Variants in SCT observed in about 807,000 individuals in gnomAD.
SCT encodes the protein prepro-secretin.
Under a neutral mutation model 10.9 loss-of-function variants are expected in SCT, and 17 were observed. The observed-to-expected ratio is 1.55, with a 90% CI of 1.06 to 2.33. The LOEUF (loss-of-function observed/expected upper bound fraction) is 2.33. Among genes scored for constraint, SCT ranks in the 30% most tolerant of loss-of-function variants. The probability of loss-of-function intolerance (pLI) is 0.00; values close to 1 mark genes in which losing one functional copy is unlikely to be tolerated. For missense variants in SCT, 230 were observed against 165.9 expected, an observed-to-expected ratio of 1.39 and a Z score of -2.12; for synonymous variants, 96 against 73.9, an observed-to-expected ratio of 1.30 and a Z score of -1.54.
At position 626,548 on chromosome 11, in the gene SCT, G is replaced by A; in HGVS notation, c.267-18C>T. Reference sequence around the variant, plus strand: ...GGGGCATCCTGCAGAGACAGCACGTGAGGGTCTGAGGGCTGGGGCTGGAGA... The same window carrying A: ...GGGGCATCCTGCAGAGACAGCACGTAAGGGTCTGAGGGCTGGGGCTGGAGA... On this transcript the variant is annotated intron_variant, in intron 3 of 3. Coordinates refer to ENST00000176195, the MANE Select transcript of SCT (RefSeq NM_021920.4). The A allele has an allele frequency of 6.5e-7, 1 of 1,542,274 alleles. No individual in the cohort carries two copies. The highest frequency in any genetic ancestry group is 1.2e-5 in the South Asian group (1 of 83,850).
In SCT at chr11:627,064, G is replaced by GCGGCTCA; in HGVS notation, c.71+2_71+8dup. 8.3e-7 allele frequency: 1 copy of GCGGCTCA among 1,206,642 alleles called. No individual in the cohort carries two copies. Among genetic ancestry groups the GCGGCTCA allele is most frequent in the Non-Finnish European group, 1.0e-6 (1 of 963,556 alleles). 74.7% of individuals were successfully genotyped at this position (1,206,642 alleles called of 1,614,324 possible). Reference sequence around the variant, plus strand: ...CCCGGGGGGCGGGCGGGCCTGGCGGGCGGCTCACCTGGGGGGCGCGGGGCG... The same window carrying GCGGCTCA: ...CCCGGGGGGCGGGCGGGCCTGGCGGGCGGCTCACGGCTCACCTGGGGGGCGCGGGGCG... On this transcript the variant is annotated intron_variant, in intron 1 of 3. Transcript: ENST00000176195.
At position 627,138 on chromosome 11, in the gene SCT, G is replaced by A; in HGVS notation, c.6C>T (p.Ala2=). 3.7e-6 allele frequency: 4 copies of A among 1,091,604 alleles called. No homozygotes were observed. The highest frequency in any genetic ancestry group is 4.5e-6 in the Non-Finnish European group (4 of 895,112). The allele number at this position is 1,091,604 out of a possible 1,614,324, so 67.6% of individuals were successfully genotyped here. A position where few individuals can be genotyped will look rare whatever the true frequency, so the allele number is the denominator to read the frequency against. ...GCAGCAGCAGCAGGAGGGGCCGGGG[G>A]GCCATGGCGGGGTCGGGGCGCAGGA... M[A]PRPLLLLLLL... The change falls in exon 1 of 4, where the codon GCC becomes GCT. Residue 2 remains alanine, a synonymous_variant. Coordinates refer to ENST00000176195, the MANE Select transcript of SCT (RefSeq NM_021920.4).
rs1589951315 is a variant in SCT at position 626,972 on chromosome 11, T to A, written c.89A>T (p.Asp30Val). 6.6e-7 allele frequency: 1 copy of A among 1,518,534 alleles called. No individual in the cohort carries two copies. The highest frequency in any genetic ancestry group is 2.5e-5 in the East Asian group (1 of 39,852). The allele number at this position is 1,518,534 out of a possible 1,614,324, so 94.1% of individuals were successfully genotyped here. A position where few individuals can be genotyped will look rare whatever the true frequency, so the allele number is the denominator to read the frequency against. Residue 30 changes from aspartate to valine, a missense_variant, in exon 2 of 4, where the codon GAC becomes GTC. Transcript: ENST00000176195. ...GCTGAGCTCGCTGGTGAACGTCCCG[T>A]CTGAGTGTCGCCGGGCCCTGCGGGC... ...PAPPRARRHS[D>V]GTFTSELSRL...
rs531061147 is a variant in SCT at position 627,108 on chromosome 11, G to GAGC, written c.33_35dup (p.Leu13dup). ...CGGGGCGCGCGGCGGAGCCCCCGAG[G>GAGC]AGCAGCAGCAGCAGCAGGAGGGGCC... On this transcript the variant is annotated inframe_insertion, in exon 1 of 4. Coordinates refer to ENST00000176195, the MANE Select transcript of SCT (RefSeq NM_021920.4). 3,484 of 1,094,534 alleles carry GAGC rather than the reference G, an allele frequency of 3.2e-3. 9 individuals are homozygous for GAGC. The highest frequency in any genetic ancestry group is 4.2e-3 in the East Asian group (84 of 20,006). 67.8% of individuals were successfully genotyped at this position (1,094,534 alleles called of 1,614,324 possible).
chr11:626,651 C>A (rs1476773813), intron 3 of SCT, 46 bp downstream of exon 3: 2 of 1,497,454 alleles, frequency 1.3e-6, no homozygotes, highest in Non-Finnish European at 1.8e-6. Flanking sequence ...AAGGAGGGGT[C>A]TGGGGTGGGG....
intron 2 of SCT, 21 bp from the exon 3 acceptor site, chr11:626,810 G>C (rs756005037): frequency 1.3e-4 from 202 of 1,548,144 alleles, no homozygotes; most frequent in Non-Finnish European, 1.7e-4. Context: ...CCCCAAAACA[G>C]AGTTAGTCCT....
At position 626,511 on chromosome 11, in the gene SCT, A is replaced by G; in HGVS notation, c.286T>C (p.Trp96Arg). ...GGCCCAGGGGGCAGCCAGGGAGACC[A>G]GGTCCCGTCCAGGGGCATCCTGCAG... ...LQAWMPLDGT[W>R]SPWLPPGPMV... The change falls in exon 4 of 4, where the codon TGG (tryptophan) becomes CGG (arginine). Residue 96 changes from tryptophan to arginine, a missense_variant. Trp to Arg is a moderately radical substitution (Grantham distance 101, BLOSUM62 -3). Coordinates refer to ENST00000176195, the MANE Select transcript of SCT (RefSeq NM_021920.4). The G allele has an allele frequency of 6.4e-7, 1 of 1,560,726 alleles. No homozygotes were observed. The highest frequency in any genetic ancestry group is 2.4e-5 in the East Asian group (1 of 41,816).
Position 626,386 on chromosome 11 carries a change from G to A in SCT, c.*45C>T. The A allele has an allele frequency of 7.0e-7, 1 of 1,434,666 alleles. No individual in the cohort carries two copies. The highest frequency in any genetic ancestry group is 1.2e-5 in the South Asian group (1 of 81,078). 88.9% of individuals were successfully genotyped at this position (1,434,666 alleles called of 1,614,324 possible). ...CCCCATCCTGCCCCCCACCCCAAAT[G>A]CAGCTGCGCTCCTGGGCCGGGCAGG... On this transcript the variant is annotated 3_prime_UTR_variant, in exon 4 of 4. Transcript: ENST00000176195.
chr11:626,927 C>T lies in SCT; in HGVS notation c.134G>A (p.Arg45Gln), dbSNP rs1043967487. 1.0e-5 allele frequency: 16 copies of T among 1,537,148 alleles called. No individual in the cohort carries two copies. The African/African-American group carries it at 1.5e-4, about 14-fold the overall frequency. ...SELSRLREGA[R>Q]LQRLLQGLVG... is the part of the protein sequence containing the mutation. ...CAGGCCCTGTAGCAGCCGCTGGAGCCGCGCGCCCTCCCGCAGGCGGCTGAG... is the reference window on the plus strand; with the variant it reads ...CAGGCCCTGTAGCAGCCGCTGGAGCTGCGCGCCCTCCCGCAGGCGGCTGAG... The change falls in exon 2 of 4, where the codon CGG becomes CAG. Residue 45 changes from arginine to glutamine, a missense_variant. Transcript: ENST00000176195.
Position 627,152 on chromosome 11 carries a change from C to T in SCT, c.-9G>A, listed in dbSNP as rs1477373595. The T allele has an allele frequency of 1.6e-5, 6 of 378,652 alleles. No individual in the cohort carries two copies. The highest frequency in any genetic ancestry group is 6.7e-5 in the African/African-American group (3 of 45,026). 23.5% of individuals were successfully genotyped at this position (378,652 alleles called of 1,614,324 possible). ...AGGGGCCGGGGGGCCATGGCGGGGT[C>T]GGGGCGCAGGAGCTGAGCGCTGCGG... On this transcript the variant is annotated 5_prime_UTR_variant, in exon 1 of 4. Coordinates refer to ENST00000176195, the MANE Select transcript of SCT (RefSeq NM_021920.4).
rs988809940 is a variant in SCT at position 626,919 on chromosome 11, G to A, written c.142C>T (p.Arg48Trp). The change falls in exon 2 of 4, where the codon CGG becomes TGG. Residue 48 changes from arginine (R) to tryptophan (W), a missense_variant. Physicochemically the swap from Arg to Trp is moderately radical, Grantham distance 101. Transcript: ENST00000176195. ...TTCCCCACCAGGCCCTGTAGCAGCC[G>A]CTGGAGCCGCGCGCCCTCCCGCAGG... Reference protein sequence around the residue: ...SRLREGARLQRLLQGLVGKRS... With the variant: ...SRLREGARLQWLLQGLVGKRS... 37 of 1,538,658 alleles carry A rather than the reference G, an allele frequency of 2.4e-5. No individual in the cohort carries two copies. The highest frequency in any genetic ancestry group is 3.1e-5 in the Non-Finnish European group (35 of 1,146,088).
rs962198132 is a variant in SCT, at chr11:626,344, C to T, written c.*87G>A. The T allele has an allele frequency of 1.0e-6, 1 of 969,662 alleles. No homozygotes were observed. The highest frequency in any genetic ancestry group is 1.6e-6 in the Non-Finnish European group (1 of 635,092). 60.1% of individuals were successfully genotyped at this position (969,662 alleles called of 1,614,324 possible). A position where few individuals can be genotyped will look rare whatever the true frequency, so the allele number is the denominator to read the frequency against. On this transcript the variant is annotated 3_prime_UTR_variant, in exon 4 of 4. Transcript: ENST00000176195. Reference sequence around the variant, plus strand: ...ATTCCTCCTTTATTGGTGCCAAGTACCACCCCTCCCCCTCTCCCCCATCCT... The same window carrying T: ...ATTCCTCCTTTATTGGTGCCAAGTATCACCCCTCCCCCTCTCCCCCATCCT...
In SCT at chr11:626,451, C is replaced by T. The variant is rs1202868521; in HGVS notation, c.346G>A (p.Gly116Arg). ...VSEPAGAAAE[G>R]TLRPR ...CTTCCTCATCTGGGCCGCAAGGTTC[C>T]TTCTGCAGCAGCGCCAGCTGGTTCT... The change falls in exon 4 of 4, where the codon GGA becomes AGA. Residue 116 changes from glycine (G) to arginine (R), a missense_variant. By Grantham distance (125) the Gly-to-Arg change is moderately radical. Coordinates refer to ENST00000176195, the MANE Select transcript of SCT (RefSeq NM_021920.4). 1.2e-5 allele frequency: 19 copies of T among 1,554,192 alleles called. No homozygotes were observed. Among genetic ancestry groups the T allele is most frequent in the East Asian group, 2.4e-5 (1 of 41,238 alleles).
Position 627,061 on chromosome 11 carries a change from C to T in SCT, c.71+12G>A, listed in dbSNP as rs1384622296. 292 of 1,194,398 alleles carry T rather than the reference C, an allele frequency of 2.4e-4. No individual in the cohort carries two copies. Among genetic ancestry groups the T allele is most frequent in the Middle Eastern group, 3.3e-4 (1 of 3,074 alleles). The allele number at this position is 1,194,398 out of a possible 1,614,324, so 74.0% of individuals were successfully genotyped here. A position where few individuals can be genotyped will look rare whatever the true frequency, so the allele number is the denominator to read the frequency against. The stretch of plus-strand genomic sequence containing the variant: ...GGGCCCGGGGGGCGGGCGGGCCTGG[C>T]GGGCGGCTCACCTGGGGGGCGCGGG... On this transcript the variant is annotated intron_variant, in intron 1 of 3. Coordinates refer to ENST00000176195, the MANE Select transcript of SCT (RefSeq NM_021920.4).
chr11:626,792 GCCC>G lies in SCT; in HGVS notation c.174-6_174-4del, dbSNP rs979298388. On this transcript the variant is annotated splice_region_variant and splice_polypyrimidine_tract_variant and intron_variant, in intron 2 of 3. Coordinates refer to ENST00000176195, the MANE Select transcript of SCT (RefSeq NM_021920.4). ...TGCTGTTCTCTGCGTCCTGCTCGCTGCCCCCCGCCCCAAAACAGAGTTAGTCCT... is the reference window on the plus strand; with the variant it reads ...TGCTGTTCTCTGCGTCCTGCTCGCTGCCCGCCCCAAAACAGAGTTAGTCCT... 20 of 1,548,870 alleles carry G rather than the reference GCCC, an allele frequency of 1.3e-5. No homozygotes were observed. Among genetic ancestry groups the G allele is most frequent in the Admixed American group, 2.0e-5 (1 of 50,918 alleles).
chr11:626,758 T>C lies in SCT; in HGVS notation c.205A>G (p.Thr69Ala), dbSNP rs928595885. 1 of 1,550,440 alleles carries C rather than the reference T, an allele frequency of 6.4e-7. No homozygotes were observed. The highest frequency in any genetic ancestry group is 8.7e-7 in the Non-Finnish European group (1 of 1,146,806). The change falls in exon 3 of 4, where the codon ACC becomes GCC. Residue 69 changes from threonine (T) to alanine (A), a missense_variant. Thr to Ala is a moderately conservative substitution (Grantham distance 58, BLOSUM62 0). Coordinates refer to ENST00000176195, the MANE Select transcript of SCT (RefSeq NM_021920.4). ...CAGAGCAGACCCGCGCTGAGCCTGGTCCAGGCCATGCTGTTCTCTGCGTCC... is the reference window on the plus strand; with the variant it reads ...CAGAGCAGACCCGCGCTGAGCCTGGCCCAGGCCATGCTGTTCTCTGCGTCC... The part of the protein sequence containing the change: ...EQDAENSMAW[T>A]RLSAGLLCPS...
chr11:626,687 G>C lies in SCT; in HGVS notation c.266+10C>G. On this transcript the variant is annotated intron_variant, in intron 3 of 3. Coordinates refer to ENST00000176195, the MANE Select transcript of SCT (RefSeq NM_021920.4). The stretch of plus-strand genomic sequence containing the variant: ...TCTGGAGTGGGGTCTGCGGTGGGGC[G>C]GGTGCTCACCAGGCCTGCAGGATGG... 2 of 1,541,222 alleles carry C rather than the reference G, an allele frequency of 1.3e-6. No homozygotes were observed. The highest frequency in any genetic ancestry group is 2.4e-5 in the East Asian group (1 of 40,852).
rs1336960437 is a variant in SCT, at chr11:627,056, C to A, written c.71+17G>T. On this transcript the variant is annotated intron_variant, in intron 1 of 3. Transcript: ENST00000176195. ...GGGTGGGGCCCGGGGGGCGGGCGGG[C>A]CTGGCGGGCGGCTCACCTGGGGGGC... 1 of 1,203,320 alleles carries A rather than the reference C, an allele frequency of 8.3e-7. No individual in the cohort carries two copies. Among genetic ancestry groups the A allele is most frequent in the Non-Finnish European group, 1.0e-6 (1 of 956,826 alleles). 74.5% of individuals were successfully genotyped at this position (1,203,320 alleles called of 1,614,324 possible).
chr11:627,055 G>A lies in SCT; in HGVS notation c.71+18C>T. On this transcript the variant is annotated intron_variant, in intron 1 of 3. Transcript: ENST00000176195. ...CGGGTGGGGCCCGGGGGGCGGGCGG[G>A]CCTGGCGGGCGGCTCACCTGGGGGG... The A allele has an allele frequency of 8.4e-7, 1 of 1,193,960 alleles. No individual in the cohort carries two copies. The highest frequency in any genetic ancestry group is 1.1e-6 in the Non-Finnish European group (1 of 948,026). The allele number at this position is 1,193,960 out of a possible 1,614,324, so 74.0% of individuals were successfully genotyped here. A position where few individuals can be genotyped will look rare whatever the true frequency, so the allele number is the denominator to read the frequency against.
Sources: gnomAD v4.1 joint callset for allele counts on GRCh38, gnomAD v4.1.1 for gene constraint, MANE v1.5 for transcripts, NCBI Gene and HGNC (gene_info 2026-07-23, HGNC 2026-07-21) for gene names.